The following RGS22 variants were observed in gnomAD, a reference collection of about 807,000 sequenced individuals.
RGS22 encodes the protein regulator of G protein signaling 22, also known as regulator of G-protein signaling 22.
RGS22 carries 148 observed loss-of-function variants against 172.9 expected under a neutral mutation model. The ratio of observed to expected loss-of-function variants is 0.86; its 90% confidence interval spans 0.75 to 0.98. The LOEUF is 0.98. Among genes scored for constraint, RGS22 ranks in the 50% least tolerant of loss-of-function variants. RGS22 has a pLI of 0.00. For synonymous variants in RGS22, 458 were observed against 480.2 expected (o/e 0.95, Z 0.60); for missense variants, 1,347 against 1,440.8 (o/e 0.93, Z 1.05).
intron 23 of RGS22, among the ~76,000 whole-genome samples, chr8:99,974,701 G>A (rs191516359): frequency 6.6e-6 from 1 of 151,860 alleles, no homozygotes; most frequent in East Asian, 1.9e-4. Context: ...GGGAGTCTGA[G>A]GCAGGAGAAT....
intron 23 of RGS22, among the ~76,000 whole-genome samples, chr8:99,971,021 T>C (rs1450302576): frequency 6.6e-6 from 1 of 152,214 alleles, no homozygotes; most frequent in South Asian, 2.1e-4. Flanking sequence ...TCAAAAAGCT[T>C]ATCCACCACA....
intron 14 of RGS22, among the ~76,000 whole-genome samples, chr8:100,034,848 A>C (rs1040518265): frequency 2.0e-5 from 3 of 152,254 alleles, no homozygotes; most frequent in African/African-American, 7.2e-5. Context: ...CAAAAACAAG[A>C]AATGGGGAAA....
At chr8:100,099,773 T>A (rs994114529) in intron 2 of RGS22, among the ~76,000 whole-genome samples, 1 of 152,186 alleles carries the variant, frequency 6.6e-6, no homozygotes, top group African/African-American at 2.4e-5. Flanking sequence ...CTGGGACCTG[T>A]CTTAGTTTCC....
intron 14 of RGS22, among the ~76,000 whole-genome samples, chr8:100,025,328 A>G (rs553753833): frequency 2.6e-5 from 4 of 152,334 alleles, no homozygotes; most frequent in Admixed American, 1.3e-4. Flanking sequence ...AAAAACAAAT[A>G]ATGTAACAAA....
chr8:100,042,890 G>A (rs1820287460), intron 11 of RGS22: 1 of 152,172 alleles, frequency 6.6e-6, no homozygotes, highest in Admixed American at 6.5e-5. Context: ...TGACTAATGA[G>A]ATACAAAATG....
chr8:100,105,469 G>A lies in RGS22; in HGVS notation c.26-67C>T. 7 of 1,340,638 alleles carry A rather than the reference G, an allele frequency of 5.2e-6. No individual in the cohort carries two copies. In the South Asian group the frequency reaches 7.2e-5, roughly 14 times the overall value. The allele number at this position is 1,340,638 out of a possible 1,614,324, so 83.0% of individuals were successfully genotyped here. ...ATTTCCTTTGAGTAAATGAAATCAT[G>A]GGAGACAGCACCTAGCCCTACGTTA... On this transcript the variant is annotated intron_variant, in intron 1 of 27. Coordinates refer to ENST00000360863, the MANE Select transcript of RGS22 (RefSeq NM_015668.5).
At chr8:100,104,522 T>C (rs1465227523) in intron 2 of RGS22, among the ~76,000 whole-genome samples, 1 of 152,070 alleles carries the variant, frequency 6.6e-6, no homozygotes, top group Non-Finnish European at 1.5e-5. Flanking sequence ...ACCAGAGCTC[T>C]GGAAAGGTGA....
chr8:100,093,337 A>AT, intron 3 of RGS22, 110 bp downstream of exon 3: 5 of 635,152 alleles, frequency 7.9e-6, no homozygotes, highest in Non-Finnish European at 1.4e-5. Context: ...ATGCTTTAAT[A>AT]TTTTTTTAAA....
Position 100,071,483 on chromosome 8 carries a change from T to G in RGS22, c.480A>C (p.Thr160=). Residue 160 remains threonine (T), a synonymous_variant, in exon 6 of 28, where the codon ACA becomes ACC. Transcript: ENST00000360863. The part of the protein sequence containing the change: ...VRWSKSGMNF[T]VGSNFSPWIV... ...TCCAGGGAGAAAAATTTGATCCTACTGTGAAATTCATGCCGGACTTGCTCC... is the reference window on the plus strand; with the variant it reads ...TCCAGGGAGAAAAATTTGATCCTACGGTGAAATTCATGCCGGACTTGCTCC... 6.2e-7 allele frequency: 1 copy of G among 1,613,074 alleles called. No individual in the cohort carries two copies.
At chr8:100,045,726 T>C (rs1373494995) in intron 11 of RGS22, among the ~76,000 whole-genome samples, 2 of 150,512 alleles carry the variant, frequency 1.3e-5, no homozygotes, top group Admixed American at 1.3e-4. Flanking sequence ...TGATATATAA[T>C]ATATATATTC....
Position 100,025,371 on chromosome 8 carries a change from C to A in RGS22, c.2166+13560G>T, listed in dbSNP as rs542510795. Among the ~76,000 whole-genome samples, 3 of 152,264 alleles carry A rather than the reference C, an allele frequency of 2.0e-5. No homozygotes were observed. In the East Asian group the frequency reaches 5.8e-4, roughly 29 times the overall value. Reference sequence around the variant, plus strand: ...TAGTAATTGCCCAGCACTCCAGAAACAACCTAATTGTGAAGACACCAAAAT... The same window carrying A: ...TAGTAATTGCCCAGCACTCCAGAAAAAACCTAATTGTGAAGACACCAAAAT... On this transcript the variant is annotated intron_variant, in intron 14 of 27. Transcript: ENST00000360863.
chr8:100,045,340 T>C (rs1220713463), intron 11 of RGS22, among the ~76,000 whole-genome samples: 1 of 152,158 alleles, frequency 6.6e-6, no homozygotes. Context: ...ACATACTATG[T>C]GCCAGATACT....
intron 10 of RGS22, among the ~76,000 whole-genome samples, chr8:100,048,071 T>C (rs989818480): frequency 6.6e-6 from 1 of 152,118 alleles, no homozygotes. Flanking sequence ...TCCTTCCATT[T>C]TGGGACATTT....
rs1296278519 is a variant in RGS22 at position 100,053,086 on chromosome 8, C to T, written c.1515-110G>A. The T allele has an allele frequency of 1.4e-5, 14 of 968,462 alleles. No homozygotes were observed. The East Asian group carries it at 3.4e-4, about 24-fold the overall frequency. 60.0% of individuals were successfully genotyped at this position (968,462 alleles called of 1,614,324 possible). A position where few individuals can be genotyped will look rare whatever the true frequency, so the allele number is the denominator to read the frequency against. ...CTCACAATTAACAGTCTTGCCATAC[C>T]TCTTTTCTAACAACTTTTACTTCTT... is the stretch of plus-strand genomic sequence containing the variant. On this transcript the variant is annotated intron_variant, in intron 9 of 27. Transcript: ENST00000360863.
At chr8:99,972,047 CAG>C (rs1285428412) in intron 23 of RGS22, among the ~76,000 whole-genome samples, 1 of 152,140 alleles carries the variant, frequency 6.6e-6, no homozygotes, top group East Asian at 1.9e-4. Flanking sequence ...CTTACCAAAA[CAG>C]ATATATAGAC....
At chr8:100,066,609 C>G (rs1249779402) in intron 6 of RGS22, among the ~76,000 whole-genome samples, 1 of 152,112 alleles carries the variant, frequency 6.6e-6, no homozygotes, top group Non-Finnish European at 1.5e-5. Context: ...CCTGGATTCA[C>G]TACAATCCTG....
intron 2 of RGS22, among the ~76,000 whole-genome samples, chr8:100,098,848 TA>T (rs1278437787): frequency 6.6e-4 from 16 of 24,102 alleles, no homozygotes; most frequent in African/African-American, 3.5e-3. Context: ...TTTTTTTATT[TA>T]TTTTATTATT....
At chr8:100,047,966 G>T (rs1167895104) in intron 10 of RGS22, among the ~76,000 whole-genome samples, 1 of 151,940 alleles carries the variant, frequency 6.6e-6, no homozygotes, top group Non-Finnish European at 1.5e-5. Flanking sequence ...GTGTACTGGG[G>T]GGGGGTGCGG....
Position 100,094,421 on chromosome 8 carries a change from G to A in RGS22, c.55-912C>T, listed in dbSNP as rs923122731. On this transcript the variant is annotated intron_variant, in intron 2 of 27. Transcript: ENST00000360863. Reference sequence around the variant, plus strand: ...TTAAAAATTTATTGAAGTATATAGTGCTATCAGGAAGACACTATAGCATAT... The same window carrying A: ...TTAAAAATTTATTGAAGTATATAGTACTATCAGGAAGACACTATAGCATAT... Among the ~76,000 whole-genome samples, 6 of 152,170 alleles carry A rather than the reference G, an allele frequency of 3.9e-5. 1 individual carries two copies. The South Asian group carries it at 1.2e-3, about 32-fold the overall frequency.
Sources: gnomAD v4.1 joint callset for allele counts (sites outside exome capture counted in the v4.1 genomes callset) on GRCh38, gnomAD v4.1.1 for gene constraint, MANE v1.5 for transcripts, NCBI Gene and HGNC (gene_info 2026-07-23, HGNC 2026-07-21) for gene names.